The following CNTN3 variants were observed in gnomAD, a reference collection of about 807,000 sequenced individuals.
CNTN3 encodes the protein contactin-3.
CNTN3 carries 60 observed loss-of-function variants against 119.1 expected under a neutral mutation model. The observed-to-expected ratio is 0.50, with a 90% CI of 0.41 to 0.62. The LOEUF is 0.62. Ranked by LOEUF, CNTN3 falls within the 20% of genes least tolerant of loss-of-function variation. CNTN3 has a pLI of 0.00. For synonymous variants in CNTN3, 450 were observed against 438.7 expected (o/e 1.03, Z -0.32); for missense variants, 1,101 against 1,242.4 (o/e 0.89, Z 1.71).
chr3:74,331,769 T>C (rs909400482), intron 13 of CNTN3, among the ~76,000 whole-genome samples: 6 of 152,206 alleles, frequency 3.9e-5, no homozygotes, highest in Admixed American at 2.6e-4. Context: ...CTTTGTGATG[T>C]GCCAATTTGT....
intron 4 of CNTN3, among the ~76,000 whole-genome samples, chr3:74,481,283 C>G (rs1198902109): frequency 6.6e-6 from 1 of 151,038 alleles, no homozygotes; most frequent in East Asian, 1.9e-4. Flanking sequence ...ACACCATACC[C>G]AGTATTTAGA....
intron 11 of CNTN3, among the ~76,000 whole-genome samples, chr3:74,342,020 A>T (rs1433999030): frequency 1.6e-4 from 25 of 152,270 alleles, no homozygotes; most frequent in African/African-American, 5.3e-4. Flanking sequence ...GAAAATAACA[A>T]GGCTCTTTTA....
chr3:74,562,072 T>C (rs561587178), intron 1 of CNTN3, among the ~76,000 whole-genome samples: 2 of 152,242 alleles, frequency 1.3e-5, no homozygotes, highest in East Asian at 3.9e-4. Flanking sequence ...GTAATTCACT[T>C]AAACCCTTGG....
chr3:74,427,302 A>C (rs147759497), intron 4 of CNTN3, among the ~76,000 whole-genome samples: 2 of 152,304 alleles, frequency 1.3e-5, no homozygotes, highest in African/African-American at 4.8e-5. Flanking sequence ...AGGTGTAACC[A>C]AGGCTTTAAC....
intron 4 of CNTN3, among the ~76,000 whole-genome samples, chr3:74,470,870 TTTGTTGTTG>T (rs143906469): frequency 2.0e-5 from 3 of 150,748 alleles, no homozygotes; most frequent in African/African-American, 7.3e-5. Flanking sequence ...TATTCGGTTT[TTTGTTGTTG>T]TTGTTGTTGT....
At chr3:74,308,051 C>T (rs1450603096) in intron 13 of CNTN3, among the ~76,000 whole-genome samples, 7 of 152,116 alleles carry the variant, frequency 4.6e-5, no homozygotes, top group African/African-American at 1.4e-4. Context: ...TGAAAACAGT[C>T]GAACCTGTAA....
At chr3:74,497,998 TA>T (rs1463348843) in intron 3 of CNTN3, among the ~76,000 whole-genome samples, 1 of 151,912 alleles carries the variant, frequency 6.6e-6, no homozygotes, top group Non-Finnish European at 1.5e-5. Context: ...CAAACATAAT[TA>T]ATCTATTCAT....
Position 74,541,462 on chromosome 3 carries a change from T to C in CNTN3, c.-80-20270A>G, listed in dbSNP as rs114110960. ...TCTACCTATTCAAAACTCAAAAACA[T>C]ATCAAATTGAAAAAGTACACTGCAG... is the stretch of plus-strand genomic sequence containing the variant. On this transcript the variant is annotated intron_variant, in intron 1 of 22. Transcript: ENST00000263665. Among the ~76,000 whole-genome samples the C allele has an allele frequency of 4.5e-3, 681 of 152,058 alleles. 7 individuals carry two copies. Among genetic ancestry groups the C allele is most frequent in the African/African-American group, 0.016 (644 of 41,480 alleles).
chr3:74,292,901 C>T (rs1343932088), intron 19 of CNTN3, among the ~76,000 whole-genome samples: 2 of 152,222 alleles, frequency 1.3e-5, no homozygotes, highest in African/African-American at 4.8e-5. Context: ...CATCATCTTT[C>T]ATTGCTTTCA....
chr3:74,591,262 TTAGTAA>T (rs1400701464), intron 1 of CNTN3, among the ~76,000 whole-genome samples: 8 of 152,002 alleles, frequency 5.3e-5, no homozygotes, highest in African/African-American at 9.7e-5. Context: ...TTAGAAATTA[TTAGTAA>T]TATCAATGAG....
At position 74,285,790 on chromosome 3, in the gene CNTN3, G is replaced by GATATGTATAT. The variant is rs1702099889; in HGVS notation, c.2518-300_2518-299insATATACATAT. Reference sequence around the variant, plus strand: ...ATTATAAGTGGGAGAATGAAGGGGAGATATATATATATATATATATATATA... The same window carrying GATATGTATAT: ...ATTATAAGTGGGAGAATGAAGGGGAGATATGTATATATATATATATATATATATATATATA... On this transcript the variant is annotated intron_variant, in intron 19 of 22. Coordinates refer to ENST00000263665, the MANE Select transcript of CNTN3 (RefSeq NM_020872.3). Among the ~76,000 whole-genome samples the GATATGTATAT allele has an allele frequency of 1.3e-3, 75 of 56,544 alleles. 2 individuals are homozygous for GATATGTATAT. Among genetic ancestry groups the GATATGTATAT allele is most frequent in the South Asian group, 7.7e-3 (7 of 914 alleles). 37.1% of individuals were successfully genotyped at this position (56,544 alleles called of 152,430 possible).
intron 11 of CNTN3, among the ~76,000 whole-genome samples, chr3:74,356,241 C>A (rs762248883): frequency 1.3e-5 from 2 of 152,044 alleles, no homozygotes; most frequent in African/African-American, 2.4e-5. Flanking sequence ...GAACTGTGAA[C>A]AATAAACTTC....
chr3:74,346,899 T>C (rs560631632), intron 11 of CNTN3, among the ~76,000 whole-genome samples: 89 of 152,132 alleles, frequency 5.9e-4, no homozygotes, highest in African/African-American at 2.0e-3. Flanking sequence ...CAAGTAGAAA[T>C]CTATACAAAA....
At position 74,428,838 on chromosome 3, in the gene CNTN3, G is replaced by A. The variant is rs76513403; in HGVS notation, c.359-3898C>T. Among the ~76,000 whole-genome samples the A allele has an allele frequency of 4.3e-4, 65 of 152,130 alleles. 1 individual carries two copies. In the East Asian group the frequency reaches 8.9e-3, roughly 21 times the overall value. Reference sequence around the variant, plus strand: ...GGTAAGTGTTCAGTATAGATATACCGTTTCCTATCTTTTATATTGTACTGT... The same window carrying A: ...GGTAAGTGTTCAGTATAGATATACCATTTCCTATCTTTTATATTGTACTGT... On this transcript the variant is annotated intron_variant, in intron 4 of 22. Transcript: ENST00000263665.
At chr3:74,334,597 G>GCT in intron 13 of CNTN3, 138 bp downstream of exon 13, 1 of 668,404 alleles carries the variant, frequency 1.5e-6, no homozygotes, top group South Asian at 2.3e-5. Flanking sequence ...GATCAAAACA[G>GCT]AACTGAGAAC....
intron 20 of CNTN3, among the ~76,000 whole-genome samples, chr3:74,284,864 C>A (rs1458579305): frequency 6.6e-6 from 1 of 152,098 alleles, no homozygotes; most frequent in Non-Finnish European, 1.5e-5. Flanking sequence ...TGCTGATAAC[C>A]ATTTAATGCA....
intron 3 of CNTN3, among the ~76,000 whole-genome samples, chr3:74,496,232 T>G (rs1703060881): frequency 1.3e-5 from 2 of 152,132 alleles, no homozygotes; most frequent in Admixed American, 1.3e-4. Context: ...CGACTTACCT[T>G]TTTTGGTCTA....
At chr3:74,319,609 A>G (rs1259955965) in intron 13 of CNTN3, among the ~76,000 whole-genome samples, 1 of 151,970 alleles carries the variant, frequency 6.6e-6, no homozygotes, top group Non-Finnish European at 1.5e-5. Context: ...GGCATGGGCA[A>G]GGACTTCATG....
intron 13 of CNTN3, among the ~76,000 whole-genome samples, chr3:74,328,639 C>T (rs1703186329): frequency 6.6e-6 from 1 of 152,034 alleles, no homozygotes; most frequent in Admixed American, 6.6e-5. Context: ...TAAATACAGC[C>T]CTTGGACATC....
Sources: allele counts gnomAD v4.1 joint callset (sites outside exome capture counted in the v4.1 genomes callset), GRCh38; gene constraint gnomAD v4.1.1; transcripts MANE v1.5; gene names NCBI Gene and HGNC (gene_info 2026-07-23, HGNC 2026-07-21).